The following TFAM variants were observed in gnomAD, a reference collection of about 807,000 sequenced individuals.
The protein encoded by TFAM is transcription factor A, mitochondrial.
A neutral mutation model predicts 30.6 loss-of-function variants in TFAM; 13 were observed. That is an observed-to-expected ratio of 0.42 (90% CI 0.28 to 0.67). TFAM has a LOEUF of 0.67. TFAM is among the 30% of genes least tolerant of loss of function. TFAM has a pLI of 0.21. For missense variants in TFAM, 231 were observed against 293.7 expected (o/e 0.79, Z 1.56); for synonymous variants, 106 against 94.8 (o/e 1.12, Z -0.69).
intron 2 of TFAM, among the ~76,000 whole-genome samples, chr10:58,387,742 C>G (rs1417170390): frequency 6.6e-6 from 1 of 152,016 alleles, no homozygotes; most frequent in Non-Finnish European, 1.5e-5. Context: ...CCAGCCTGGG[C>G]AGCATAGCGA....
At chr10:58,391,716 G>C (rs1463232864) in intron 5 of TFAM, among the ~76,000 whole-genome samples, 5 of 151,600 alleles carry the variant, frequency 3.3e-5, no homozygotes, top group African/African-American at 9.7e-5. Flanking sequence ...GGTTAGCTTG[G>C]TATTGTGTGT....
intron 5 of TFAM, among the ~76,000 whole-genome samples, chr10:58,391,480 G>A (rs1442249960): frequency 1.3e-5 from 2 of 152,020 alleles, no homozygotes; most frequent in Non-Finnish European, 2.9e-5. Context: ...GAAGTTTTTG[G>A]CACTCTGCCT....
At chr10:58,393,339 T>C (rs891750993) in intron 5 of TFAM, among the ~76,000 whole-genome samples, 15 of 152,232 alleles carry the variant, frequency 9.9e-5, no homozygotes, top group Non-Finnish European at 8.8e-5. Flanking sequence ...TTCACCTGTT[T>C]TACACCTGTC....
chr10:58,394,178 C>T (rs886450709), intron 5 of TFAM, among the ~76,000 whole-genome samples, 180 bp from the exon 6 acceptor site: 1 of 152,170 alleles, frequency 6.6e-6, no homozygotes, highest in Non-Finnish European at 1.5e-5. Flanking sequence ...TATGTACCTT[C>T]ATTCAGTTCA....
chr10:58,391,422 A>G (rs1210355151), intron 5 of TFAM, among the ~76,000 whole-genome samples: 1 of 152,140 alleles, frequency 6.6e-6, no homozygotes, highest in African/African-American at 2.4e-5. Flanking sequence ...CATATGACAT[A>G]GTAAGAGAAA....
chr10:58,394,538 T>G (rs751785328), intron 6 of TFAM, 124 bp downstream of exon 6: 15 of 908,294 alleles, frequency 1.7e-5, no homozygotes, highest in Non-Finnish European at 2.7e-5. Context: ...ATTCTAAAAT[T>G]ATTTTCATAT....
At chr10:58,388,905 C>T (rs764977211) in intron 4 of TFAM, 86 bp downstream of exon 4, 99 of 1,179,030 alleles carry the variant, frequency 8.4e-5, no homozygotes, top group Non-Finnish European at 1.2e-4. Context: ...TCTTAATAGG[C>T]AAATAAAATA....
At position 58,387,240 on chromosome 10, in the gene TFAM, G is replaced by A. The variant is rs552300036; in HGVS notation, c.220+902G>A. On this transcript the variant is annotated intron_variant, in intron 2 of 6. Transcript: ENST00000487519. The stretch of plus-strand genomic sequence containing the variant: ...ACTGCTCCACTGCACTCCAGCCTGG[G>A]TGACAGAGCGAGACCCTGTCTCAAA... 6.6e-5 allele frequency among the ~76,000 whole-genome samples: 10 copies of A among 152,222 alleles called. No individual in the cohort carries two copies. The East Asian group carries it at 1.7e-3, about 27-fold the overall frequency.
chr10:58,391,217 G>C (rs1046675831), intron 5 of TFAM, among the ~76,000 whole-genome samples: 12 of 152,112 alleles, frequency 7.9e-5, no homozygotes, highest in Middle Eastern at 3.2e-3. Context: ...ATGGGGAATT[G>C]ATTGTAACCT....
intron 2 of TFAM, chr10:58,386,715 CTG>C (rs1840497330): frequency 1.8e-6 from 2 of 1,114,056 alleles, no homozygotes; most frequent in Non-Finnish European, 1.1e-6. Context: ...CATCCATAAA[CTG>C]TAAGTTCTGT....
intron 2 of TFAM, among the ~76,000 whole-genome samples, chr10:58,387,336 C>T (rs1840509254): frequency 6.6e-6 from 1 of 152,070 alleles, no homozygotes; most frequent in Admixed American, 6.6e-5. Flanking sequence ...TGCTTAAGTA[C>T]CCACATCTTT....
Position 58,391,250 on chromosome 10 carries a change from A to G in TFAM, c.537+390A>G, listed in dbSNP as rs542709970. ...CCTATTGCTTCATTTATATCTTTTAATAACATTTTGGTTATACCCATAGGG... is the reference window on the plus strand; with the variant it reads ...CCTATTGCTTCATTTATATCTTTTAGTAACATTTTGGTTATACCCATAGGG... On this transcript the variant is annotated intron_variant, in intron 5 of 6. Transcript: ENST00000487519. 7.2e-5 allele frequency among the ~76,000 whole-genome samples: 11 copies of G among 152,270 alleles called. 1 individual carries two copies. In the South Asian group the frequency reaches 2.3e-3, roughly 32 times the overall value.
In TFAM at chr10:58,398,623, G is replaced by A. The variant is rs1234973785; in HGVS notation, c.*3549G>A. The A allele has an allele frequency of 3.3e-5, 5 of 152,034 alleles. No homozygotes were observed. The highest frequency in any genetic ancestry group is 5.9e-5 in the Non-Finnish European group (4 of 68,004). 9.4% of individuals were successfully genotyped at this position (152,034 alleles called of 1,614,324 possible). A position where few individuals can be genotyped will look rare whatever the true frequency, so the allele number is the denominator to read the frequency against. Reference sequence around the variant, plus strand: ...TAGATTTCTGAATTGAAAAAAAATAGCGTACAATAAGTAGATTTAAAGTAA... The same window carrying A: ...TAGATTTCTGAATTGAAAAAAAATAACGTACAATAAGTAGATTTAAAGTAA... On this transcript the variant is annotated 3_prime_UTR_variant, in exon 7 of 7. Coordinates refer to ENST00000487519, the MANE Select transcript of TFAM (RefSeq NM_003201.3).
intron 5 of TFAM, among the ~76,000 whole-genome samples, chr10:58,393,124 C>T (rs1372822099): frequency 6.6e-6 from 1 of 152,120 alleles, no homozygotes; most frequent in East Asian, 1.9e-4. Context: ...GGACCACAGG[C>T]ACGTGCCACC....
chr10:58,394,475 A>G, intron 6 of TFAM, 61 bp downstream of exon 6: 1 of 1,369,542 alleles, frequency 7.3e-7, no homozygotes, highest in Non-Finnish European at 1.0e-6. Context: ...AGAATGTATT[A>G]GGGCAAGGCT....
rs1840472119 is a variant in TFAM, at chr10:58,385,658, C to CT, written c.101+12dup. 1 of 1,550,636 alleles carries CT rather than the reference C, an allele frequency of 6.4e-7. No individual in the cohort carries two copies. Among genetic ancestry groups the CT allele is most frequent in the Non-Finnish European group, 8.7e-7 (1 of 1,146,184 alleles). On this transcript the variant is annotated intron_variant, in intron 1 of 6. Transcript: ENST00000487519. ...TGCGCTCCCCCTTCAGGTAGGCCCG[C>CT]TTGCCTGTGCCCTAGGGGCAGCAGG...
At chr10:58,386,161 ATGTGAATAT>A (rs1840486066) in intron 1 of TFAM, 50 bp from the exon 2 acceptor site, 1 of 1,067,544 alleles carries the variant, frequency 9.4e-7, no homozygotes, top group Admixed American at 1.7e-5. Flanking sequence ...GTTCATATAC[ATGTGAATAT>A]TGACAGTTAA....
intron 2 of TFAM, chr10:58,386,717 G>C (rs1840497381): frequency 1.8e-6 from 2 of 1,110,132 alleles, no homozygotes; most frequent in Non-Finnish European, 2.2e-6. Context: ...TCCATAAACT[G>C]TAAGTTCTGT....
chr10:58,394,200 T>G (rs1458194763), intron 5 of TFAM, among the ~76,000 whole-genome samples, 158 bp from the exon 6 acceptor site: 1 of 152,236 alleles, frequency 6.6e-6, no homozygotes, highest in Non-Finnish European at 1.5e-5. Context: ...TTTTGTAAAT[T>G]GTAACAGTTT....
Sources: allele counts gnomAD v4.1 joint callset (sites outside exome capture counted in the v4.1 genomes callset), GRCh38; gene constraint gnomAD v4.1.1; transcripts MANE v1.5; gene names NCBI Gene and HGNC (gene_info 2026-07-23, HGNC 2026-07-21).